PCDH15: variants seen among roughly 807,000 people sequenced by gnomAD.
PCDH15 encodes protocadherin related 15, also known as protocadherin-15.
In PCDH15, 129 loss-of-function variants were observed where a neutral mutation model predicts 178.5. That is an observed-to-expected ratio of 0.72 (90% CI 0.63 to 0.84). PCDH15 has a LOEUF of 0.84. Ranked by LOEUF, PCDH15 falls within the 40% of genes least tolerant of loss-of-function variation. The pLI is 0.00. For synonymous variants in PCDH15, 800 were observed against 732.0 expected, an observed-to-expected ratio of 1.09 and a Z score of -1.50; for missense variants, 2,230 against 2,099.9, an observed-to-expected ratio of 1.06 and a Z score of -1.21.
chr10:54,061,926 CT>C (rs1385643282), intron 18 of PCDH15, among the ~76,000 whole-genome samples: 1 of 151,924 alleles, frequency 6.6e-6, no homozygotes, highest in Non-Finnish European at 1.5e-5. Flanking sequence ...ACAACACTAC[CT>C]TTAAAAACTA....
chr10:53,884,746 GC>G (rs1354250484), intron 26 of PCDH15, among the ~76,000 whole-genome samples: 1 of 152,112 alleles, frequency 6.6e-6, no homozygotes, highest in Non-Finnish European at 1.5e-5. Flanking sequence ...ACACAGAGTT[GC>G]TTGTATCCTT....
chr10:53,924,355 C>G (rs562174462), intron 25 of PCDH15, among the ~76,000 whole-genome samples: 2 of 152,332 alleles, frequency 1.3e-5, no homozygotes, highest in South Asian at 4.1e-4. Context: ...CACCGGGTCC[C>G]CCAGCAGTGC....
chr10:55,444,845 T>C (rs1053542683), intron 2 of PCDH15, among the ~76,000 whole-genome samples: 1 of 152,132 alleles, frequency 6.6e-6, no homozygotes, highest in Admixed American at 6.6e-5. Context: ...GCCACAAATA[T>C]ATTTGCTAGC....
At chr10:53,841,885 C>T (rs757387859) in intron 28 of PCDH15, among the ~76,000 whole-genome samples, 24 of 144,324 alleles carry the variant, frequency 1.7e-4, no homozygotes, top group South Asian at 7.6e-4. Flanking sequence ...CGCTTGAACC[C>T]GGGAGGTGGA....
chr10:54,270,719 A>G (rs1195694534), intron 8 of PCDH15, among the ~76,000 whole-genome samples: 2 of 152,122 alleles, frequency 1.3e-5, no homozygotes, highest in East Asian at 3.8e-4. Context: ...AATATAAAGG[A>G]TCTAGATTTT....
chr10:53,985,480 G>C (rs2091030294), intron 21 of PCDH15, among the ~76,000 whole-genome samples: 1 of 152,130 alleles, frequency 6.6e-6, no homozygotes, highest in African/African-American at 2.4e-5. Flanking sequence ...GCTTGAGGTT[G>C]GAGAGAGGAT....
chr10:55,077,454 T>TCCTTC (rs1564777334), intron 2 of PCDH15, among the ~76,000 whole-genome samples: 21 of 143,134 alleles, frequency 1.5e-4, no homozygotes, highest in African/African-American at 5.5e-4. Context: ...TTCCTTCCCT[T>TCCTTC]CCTTCCTTCC....
chr10:54,174,266 C>G (rs993130687), intron 13 of PCDH15, among the ~76,000 whole-genome samples: 1 of 151,822 alleles, frequency 6.6e-6, no homozygotes, highest in Non-Finnish European at 1.5e-5. Flanking sequence ...GGCGTGGTGG[C>G]TCACACCTGT....
At chr10:54,499,600 A>G (rs549169959) in intron 3 of PCDH15, among the ~76,000 whole-genome samples, 3 of 152,166 alleles carry the variant, frequency 2.0e-5, no homozygotes, top group Non-Finnish European at 4.4e-5. Context: ...TTTAGGCAGA[A>G]ATAAAAAAAA....
chr10:54,959,684 A>T (rs1157807019), intron 2 of PCDH15, among the ~76,000 whole-genome samples: 1 of 152,098 alleles, frequency 6.6e-6, no homozygotes, highest in East Asian at 1.9e-4. Context: ...ATCAGCATCT[A>T]ACCTAGCCTT....
At chr10:54,088,737 A>C (rs892263253) in intron 16 of PCDH15, among the ~76,000 whole-genome samples, 1 of 152,182 alleles carries the variant, frequency 6.6e-6, no homozygotes, top group African/African-American at 2.4e-5. Context: ...TGTGAGATAA[A>C]AATTGAAATT....
intron 2 of PCDH15, among the ~76,000 whole-genome samples, chr10:55,000,600 T>C (rs1839775354): frequency 1.3e-5 from 2 of 152,162 alleles, no homozygotes; most frequent in African/African-American, 2.4e-5. Context: ...AAGACAGGCA[T>C]AGGAAATCAC....
intron 3 of PCDH15, among the ~76,000 whole-genome samples, chr10:54,818,488 C>T (rs1252011902): frequency 6.6e-6 from 1 of 151,950 alleles, no homozygotes; most frequent in South Asian, 2.1e-4. Context: ...GAGGAAGTGA[C>T]TGTAATTTCT....
chr10:53,903,372 T>C lies in PCDH15; in HGVS notation c.3374-2A>G, dbSNP rs369583316. 1.9e-6 allele frequency: 3 copies of C among 1,612,282 alleles called. No individual in the cohort carries two copies. Among genetic ancestry groups the C allele is most frequent in the Non-Finnish European group, 2.5e-6 (3 of 1,179,194 alleles). On this transcript the variant is annotated splice_acceptor_variant, in intron 25 of 37. Transcript: ENST00000644397. LOFTEE classifies it high-confidence loss of function. ...CAATGTATACTTTAGCTGTATTGCC[T>C]GGAGGACAAGAAACGATGCATTTTT...
intron 1 of PCDH15, chr10:55,247,618 T>G (rs1000797384): frequency 6.6e-6 from 1 of 152,068 alleles, no homozygotes; most frequent in Admixed American, 6.6e-5. Context: ...AATTCTTTTT[T>G]TTTTTTAAAC....
chr10:54,675,127 T>C (rs551700012), intron 1 of PCDH15, among the ~76,000 whole-genome samples: 30 of 152,008 alleles, frequency 2.0e-4, no homozygotes, highest in African/African-American at 7.2e-4. Context: ...TTTTTCTAAC[T>C]TAAATTTTTA....
At chr10:55,590,319 G>A (rs1381077397) in intron 2 of PCDH15, among the ~76,000 whole-genome samples, 1 of 133,154 alleles carries the variant, frequency 7.5e-6, no homozygotes, top group East Asian at 2.6e-4. Flanking sequence ...GTTGTGGGGT[G>A]GGGGAGGGGG....
intron 32 of PCDH15, among the ~76,000 whole-genome samples, chr10:53,825,951 GAT>G: frequency 6.6e-6 from 1 of 151,516 alleles, no homozygotes; most frequent in African/African-American, 2.4e-5. Context: ...GCTGATTCCA[GAT>G]GATGTTATAG....
chr10:55,385,704 T>TATATATATATATATGC, intron 2 of PCDH15, among the ~76,000 whole-genome samples: 1 of 145,586 alleles, frequency 6.9e-6, no homozygotes, highest in East Asian at 2.0e-4. Context: ...TATATATATA[T>TATATATATATATATGC]ATATATATAT....
Sources: gnomAD v4.1 joint callset for allele counts (sites outside exome capture counted in the v4.1 genomes callset) on GRCh38, gnomAD v4.1.1 for gene constraint, MANE v1.5 for transcripts, NCBI Gene and HGNC (gene_info 2026-07-23, HGNC 2026-07-21) for gene names.